MED15: variants seen among roughly 807,000 people sequenced by gnomAD.
MED15 encodes the protein mediator complex subunit 15, also known as mediator of RNA polymerase II transcription subunit 15.
Under a neutral mutation model 118.7 loss-of-function variants are expected in MED15, and 41 were observed. The ratio of observed to expected loss-of-function variants is 0.35; its 90% CI spans 0.27 to 0.45. MED15 has a LOEUF of 0.45. Ranked by LOEUF, MED15 falls within the 20% of genes least tolerant of loss-of-function variation. The pLI is 1.00. For synonymous variants in MED15, 436 were observed against 413.9 expected (o/e 1.05, Z -0.65); for missense variants, 740 against 1,025.5 (o/e 0.72, Z 3.80).
At chr22:20,529,023 TG>T in intron 1 of MED15, among the ~76,000 whole-genome samples, 1 of 152,276 alleles carries the variant, frequency 6.6e-6, no homozygotes, top group Middle Eastern at 3.4e-3. Flanking sequence ...TGTCACTGGG[TG>T]GGCGCACCCC....
chr22:20,563,021 G>A (rs985007853), intron 5 of MED15, among the ~76,000 whole-genome samples: 9 of 150,552 alleles, frequency 6.0e-5, no homozygotes, highest in Non-Finnish European at 1.2e-4. Flanking sequence ...GGGCAACAGA[G>A]TGAGACCCCA....
At chr22:20,581,098 T>G (rs2056966711) in intron 9 of MED15, among the ~76,000 whole-genome samples, 1 of 152,134 alleles carries the variant, frequency 6.6e-6, no homozygotes, top group Non-Finnish European at 1.5e-5. Flanking sequence ...TACCCTGTTG[T>G]GGTCACGCTC....
At chr22:20,528,808 G>A (rs1484630202) in intron 1 of MED15, among the ~76,000 whole-genome samples, 1 of 152,210 alleles carries the variant, frequency 6.6e-6, no homozygotes, top group African/African-American at 2.4e-5. Flanking sequence ...TCCTACCTGT[G>A]CCTTTTCAAC....
intron 2 of MED15, among the ~76,000 whole-genome samples, chr22:20,539,550 A>G (rs1225362817): frequency 6.6e-6 from 1 of 152,210 alleles, no homozygotes; most frequent in Non-Finnish European, 1.5e-5. Flanking sequence ...TAGTTAATGT[A>G]TAAATTTTTG....
At position 20,555,027 on chromosome 22, in the gene MED15, G is replaced by T. The variant is rs1234210257; in HGVS notation, c.330G>T (p.Leu110=). The part of the protein sequence containing the change: ...GMPPRGPGQS[L]GGMGSLGAMG... ...CTCCTCGGGGCCCGGGACAGTCTCT[G>T]GGCGGGATGGGTAGCCTTGGTGCCA... The change falls in exon 5 of 18, where the codon CTG becomes CTT. Residue 110 remains leucine, a synonymous_variant. Coordinates refer to ENST00000263205, the MANE Select transcript of MED15 (RefSeq NM_001003891.3). 3 of 1,612,620 alleles carry T rather than the reference G, an allele frequency of 1.9e-6. No individual in the cohort carries two copies. In the East Asian group the frequency reaches 6.7e-5, roughly 36 times the overall value.
chr22:20,543,111 T>TTG (rs61279859), intron 2 of MED15, among the ~76,000 whole-genome samples: 5,311 of 140,926 alleles, frequency 0.038, 100 homozygotes, highest in South Asian at 0.085. Flanking sequence ...TCTCTCTTCT[T>TTG]TGTGTGTGTG....
intron 1 of MED15, among the ~76,000 whole-genome samples, chr22:20,531,912 G>A (rs955667853): frequency 2.6e-5 from 4 of 152,220 alleles, no homozygotes; most frequent in African/African-American, 9.7e-5. Flanking sequence ...GCCCTAACAG[G>A]CCTGATGGGA....
At chr22:20,549,633 G>A (rs2055692913) in intron 2 of MED15, among the ~76,000 whole-genome samples, 1 of 152,184 alleles carries the variant, frequency 6.6e-6, no homozygotes, top group Non-Finnish European at 1.5e-5. Flanking sequence ...GGGAATGTAG[G>A]AAGTATCATC....
intron 9 of MED15, among the ~76,000 whole-genome samples, chr22:20,581,261 G>T (rs2056973212): frequency 6.6e-6 from 1 of 152,234 alleles, no homozygotes; most frequent in African/African-American, 2.4e-5. Context: ...ACGTGGTGCT[G>T]AAAGGGCAGT....
At chr22:20,570,738 C>CTTT (rs2056622196) in intron 8 of MED15, among the ~76,000 whole-genome samples, 3 of 90,988 alleles carry the variant, frequency 3.3e-5, no homozygotes, top group Non-Finnish European at 4.2e-5. Context: ...TTCTTTCTTT[C>CTTT]TTTCTTTCTT....
In MED15 at chr22:20,584,104, C is replaced by G. The variant is rs2057067091; in HGVS notation, c.1737-255C>G. The G allele has an allele frequency of 4.2e-5, 23 of 542,204 alleles. 1 individual carries two copies. The South Asian group carries it at 4.5e-4, about 11-fold the overall frequency. The allele number at this position is 542,204 out of a possible 1,614,324, so 33.6% of individuals were successfully genotyped here. ...GGGACTGGCCTACATGACAATGAGG[C>G]ATTCACAGCCTGATCAGGGGCCTGG... On this transcript the variant is annotated intron_variant, in intron 13 of 17. Transcript: ENST00000263205.
At chr22:20,538,235 C>T (rs1002782106) in intron 2 of MED15, among the ~76,000 whole-genome samples, 3 of 152,128 alleles carry the variant, frequency 2.0e-5, no homozygotes. Context: ...GTGCGAGCCA[C>T]CAAGCCTGGC....
chr22:20,555,089 C>T lies in MED15; in HGVS notation c.392C>T (p.Pro131Leu), dbSNP rs144820576. ...ATGTCTCTCTCAGGGCAGCCGCCTCCTGGGACCTCGGGGATGGCCCCTCAC... is the reference window on the plus strand; with the variant it reads ...ATGTCTCTCTCAGGGCAGCCGCCTCTTGGGACCTCGGGGATGGCCCCTCAC... ...QPMSLSGQPP[P>L]GTSGMAPHSM... The change falls in exon 5 of 18, where the codon CCT (proline) becomes CTT (leucine). Residue 131 changes from proline (P) to leucine (L), a missense_variant. Around this residue, in one of 7 missense-constraint regions of MED15, gnomAD observed 117 missense variants for 124.6 expected, o/e 0.94. Transcript: ENST00000263205. The T allele has an allele frequency of 4.3e-6, 7 of 1,612,180 alleles. No homozygotes were observed. In the African/African-American group the frequency reaches 6.7e-5, roughly 15 times the overall value.
intron 2 of MED15, among the ~76,000 whole-genome samples, chr22:20,539,788 G>C (rs1416733951): frequency 6.6e-6 from 1 of 152,134 alleles, no homozygotes; most frequent in African/African-American, 2.4e-5. Context: ...GGTGTGATTT[G>C]CATTGTTTTG....
chr22:20,545,473 C>CAA (rs56307139), intron 2 of MED15, among the ~76,000 whole-genome samples: 57 of 90,098 alleles, frequency 6.3e-4, no homozygotes, highest in African/African-American at 2.2e-3. Context: ...GACTCCACCT[C>CAA]AAAAAAAAAA....
At chr22:20,526,113 G>T (rs1273526539) in intron 1 of MED15, among the ~76,000 whole-genome samples, 1 of 151,834 alleles carries the variant, frequency 6.6e-6, no homozygotes, top group Non-Finnish European at 1.5e-5. Flanking sequence ...TAGAGATGGG[G>T]TTTCACTATA....
At chr22:20,579,496 C>T (rs547706297) in intron 9 of MED15, among the ~76,000 whole-genome samples, 42 of 152,016 alleles carry the variant, frequency 2.8e-4, no homozygotes, top group African/African-American at 9.4e-4. Context: ...ACACTGAGTG[C>T]CGGAGCCAGG....
At chr22:20,568,152 G>T (rs994940899) in intron 7 of MED15, among the ~76,000 whole-genome samples, 1 of 152,176 alleles carries the variant, frequency 6.6e-6, no homozygotes, top group Non-Finnish European at 1.5e-5. Context: ...TCTGCTGGCC[G>T]GCTAACCCAG....
At chr22:20,576,179 C>T (rs889396041) in intron 9 of MED15, among the ~76,000 whole-genome samples, 1 of 152,238 alleles carries the variant, frequency 6.6e-6, no homozygotes, top group African/African-American at 2.4e-5. Flanking sequence ...TGCTGAAGTT[C>T]TCTCATCATA....
Sources: allele counts gnomAD v4.1 joint callset (sites outside exome capture counted in the v4.1 genomes callset), GRCh38; gene constraint gnomAD v4.1.1; regional missense constraint gnomAD v4.1.1; transcripts MANE v1.5; gene names NCBI Gene and HGNC (gene_info 2026-07-23, HGNC 2026-07-21).